The following ZBTB7C variants were observed in gnomAD, a reference collection of about 807,000 sequenced individuals.
ZBTB7C encodes zinc finger and BTB domain-containing protein 7C.
In ZBTB7C, 8 loss-of-function variants were observed where a neutral mutation model predicts 25.7. The observed-to-expected ratio is 0.31, with a 90% confidence interval of 0.18 to 0.56. ZBTB7C has a LOEUF of 0.56. ZBTB7C is among the 20% of genes least tolerant of loss of function. ZBTB7C has a pLI of 0.91. For missense variants in ZBTB7C, 824 were observed against 855.2 expected (o/e 0.96, Z 0.46); for synonymous variants, 394 against 369.0 (o/e 1.07, Z -0.78).
chr18:48,323,814 T>G (rs773276143), intron 2 of ZBTB7C, among the ~76,000 whole-genome samples: 1 of 151,980 alleles, frequency 6.6e-6, no homozygotes, highest in Non-Finnish European at 1.5e-5. Context: ...CATCTACTTA[T>G]AACTGTAAAT....
At chr18:48,178,337 C>G (rs2041756078) in intron 3 of ZBTB7C, among the ~76,000 whole-genome samples, 1 of 152,148 alleles carries the variant, frequency 6.6e-6, no homozygotes, top group African/African-American at 2.4e-5. Context: ...GGGAGGGGAT[C>G]TGCTGCGAAG....
chr18:48,233,225 G>A (rs191329227), intron 2 of ZBTB7C, among the ~76,000 whole-genome samples: 23 of 152,096 alleles, frequency 1.5e-4, no homozygotes, highest in South Asian at 6.3e-4. Flanking sequence ...ACTCTCTCGC[G>A]CGCACGCTCT....
intron 2 of ZBTB7C, among the ~76,000 whole-genome samples, chr18:48,194,111 T>G (rs1359571135): frequency 6.6e-6 from 1 of 152,192 alleles, no homozygotes; most frequent in African/African-American, 2.4e-5. Context: ...CAGTGGGGCC[T>G]GGGCCAAGGA....
intron 2 of ZBTB7C, among the ~76,000 whole-genome samples, chr18:48,253,095 C>T (rs2144453205): frequency 6.6e-6 from 1 of 152,166 alleles, no homozygotes; most frequent in South Asian, 2.1e-4. Context: ...GAGCAGTGCC[C>T]TGAGCTGGCC....
intron 2 of ZBTB7C, among the ~76,000 whole-genome samples, chr18:48,264,105 T>C (rs1021171502): frequency 2.0e-5 from 3 of 152,208 alleles, no homozygotes; most frequent in South Asian, 4.1e-4. Context: ...AGTCCCACCA[T>C]TGCTGAGTCA....
intron 3 of ZBTB7C, among the ~76,000 whole-genome samples, chr18:48,173,329 G>A (rs1300705053): frequency 2.0e-5 from 3 of 152,102 alleles, no homozygotes; most frequent in Non-Finnish European, 4.4e-5. Flanking sequence ...TCTGGGAAGT[G>A]GCTGTTATCA....
chr18:48,174,766 A>C (rs1441635164), intron 3 of ZBTB7C, among the ~76,000 whole-genome samples: 1 of 152,268 alleles, frequency 6.6e-6, no homozygotes, highest in Non-Finnish European at 1.5e-5. Flanking sequence ...TTACTGAATG[A>C]ATAAAGTAAA....
At chr18:48,307,084 T>C (rs748470362) in intron 2 of ZBTB7C, among the ~76,000 whole-genome samples, 14 of 152,128 alleles carry the variant, frequency 9.2e-5, no homozygotes, top group African/African-American at 2.4e-4. Context: ...GTCCCTGTAA[T>C]TGCTCCAAAT....
chr18:48,222,140 T>C (rs1365071768), intron 2 of ZBTB7C, among the ~76,000 whole-genome samples: 1 of 152,174 alleles, frequency 6.6e-6, no homozygotes, highest in East Asian at 1.9e-4. Flanking sequence ...GTCTCCTGTC[T>C]TTATTGTCTC....
In ZBTB7C at chr18:48,029,363, C is replaced by T. The variant is rs1040816639; in HGVS notation, c.1757G>A (p.Arg586Gln). 4.5e-6 allele frequency: 7 copies of T among 1,546,320 alleles called. No individual in the cohort carries two copies. The highest frequency in any genetic ancestry group is 1.4e-5 in the African/African-American group (1 of 72,920). The change falls in exon 5 of 5, where the codon CGG (arginine) becomes CAG (glutamine). Residue 586 changes from arginine (R) to glutamine (Q), a missense_variant. Arg to Gln is a conservative substitution (Grantham distance 43). Transcript: ENST00000590800. ...FALAENVAAA[R>Q]PYFPLPDPWA... is the part of the protein sequence containing the mutation. ...AGGGTCGGGCAGCGGGAAGTAGGGC[C>T]GCGCCGCCGCCACGTTCTCGGCCAG...
At position 48,086,427 on chromosome 18, in the gene ZBTB7C, C is replaced by T. The variant is rs528905997; in HGVS notation, c.-16-45304G>A. Reference sequence around the variant, plus strand: ...GCTCCAGAGCCTGCATTTCTACCTACTGCCCTGTAAAGCGGCACCCCATGT... The same window carrying T: ...GCTCCAGAGCCTGCATTTCTACCTATTGCCCTGTAAAGCGGCACCCCATGT... On this transcript the variant is annotated intron_variant, in intron 3 of 4. Coordinates refer to ENST00000590800, the MANE Select transcript of ZBTB7C (RefSeq NM_001318841.2). Among the ~76,000 whole-genome samples the T allele has an allele frequency of 2.0e-4, 31 of 152,328 alleles. No homozygotes were observed. The South Asian group carries it at 6.0e-3, about 30-fold the overall frequency.
At chr18:48,272,104 C>T (rs1203356425) in intron 2 of ZBTB7C, among the ~76,000 whole-genome samples, 2 of 152,164 alleles carry the variant, frequency 1.3e-5, no homozygotes, top group Non-Finnish European at 2.9e-5. Flanking sequence ...GAGTGATGCC[C>T]AGATAGCTGG....
chr18:48,284,704 T>G (rs578079116), intron 2 of ZBTB7C, among the ~76,000 whole-genome samples: 93 of 149,038 alleles, frequency 6.2e-4, no homozygotes, highest in Admixed American at 2.0e-3. Flanking sequence ...GGCACGAGAA[T>G]TGCTTGAACC....
chr18:48,166,474 G>A lies in ZBTB7C; in HGVS notation c.-17+19460C>T, dbSNP rs950144992. Among the ~76,000 whole-genome samples, 6 of 152,042 alleles carry A rather than the reference G, an allele frequency of 3.9e-5. No homozygotes were observed. The South Asian group carries it at 6.2e-4, about 16-fold the overall frequency. ...GGACTTCTCAGCTTCTCAGACCCCC[G>A]GTTTCTCCCTGCCTCCCTCCCAGGA... On this transcript the variant is annotated intron_variant, in intron 3 of 4. Coordinates refer to ENST00000590800, the MANE Select transcript of ZBTB7C (RefSeq NM_001318841.2).
intron 3 of ZBTB7C, among the ~76,000 whole-genome samples, chr18:48,071,195 T>C (rs908790988): frequency 6.6e-6 from 1 of 152,172 alleles, no homozygotes; most frequent in South Asian, 2.1e-4. Context: ...ATTTAGAAGA[T>C]CCAGGGGGTA....
chr18:48,066,264 A>G (rs983089132), intron 3 of ZBTB7C, among the ~76,000 whole-genome samples: 1 of 151,918 alleles, frequency 6.6e-6, no homozygotes, highest in African/African-American at 2.4e-5. Context: ...CCTCAGCCAG[A>G]CTCTTTGGAA....
At chr18:48,080,607 C>T (rs1159484058) in intron 3 of ZBTB7C, among the ~76,000 whole-genome samples, 1 of 152,222 alleles carries the variant, frequency 6.6e-6, no homozygotes, top group Non-Finnish European at 1.5e-5. Flanking sequence ...CTGCACTTCC[C>T]CTTCAAGCTC....
At chr18:48,307,635 G>A (rs1568366401) in intron 2 of ZBTB7C, among the ~76,000 whole-genome samples, 1 of 152,210 alleles carries the variant, frequency 6.6e-6, no homozygotes. Flanking sequence ...GGATGGCAAG[G>A]TCAAGAGATC....
intron 4 of ZBTB7C, among the ~76,000 whole-genome samples, chr18:48,034,104 G>T (rs957442313): frequency 6.6e-6 from 1 of 152,176 alleles, no homozygotes; most frequent in Non-Finnish European, 1.5e-5. Context: ...GGAATCTCAA[G>T]AGCTGAGCTC....
Sources: allele counts gnomAD v4.1 joint callset (sites outside exome capture counted in the v4.1 genomes callset), GRCh38; gene constraint gnomAD v4.1.1; transcripts MANE v1.5; gene names NCBI Gene and HGNC (gene_info 2026-07-23, HGNC 2026-07-21).